Variants in CYB561D1 observed in about 807,000 individuals in gnomAD.
The protein encoded by CYB561D1 is cytochrome b561 family member D1, also known as probable transmembrane reductase CYB561D1.
Under a neutral mutation model 19.2 loss-of-function variants are expected in CYB561D1, and 15 were observed. The observed-to-expected ratio is 0.78, with a 90% CI of 0.52 to 1.20. The LOEUF is 1.20. Among genes scored for constraint, CYB561D1 ranks in the 50% most tolerant of loss-of-function variants. CYB561D1 has a pLI of 0.00. For missense variants in CYB561D1, 297 were observed against 287.3 expected (o/e 1.03, Z -0.24); for synonymous variants, 133 against 120.6 (o/e 1.10, Z -0.68).
chr1:109,495,031 T>G, intron 1 of CYB561D1, 112 bp from the exon 2 acceptor site: 1 of 1,303,056 alleles, frequency 7.7e-7, no homozygotes, highest in Non-Finnish European at 1.1e-6. Context: ...CTGTGCCCGA[T>G]TAGGATTGGG....
chr1:109,495,332 G>A, intron 2 of CYB561D1, 152 bp downstream of exon 2: 1 of 977,544 alleles, frequency 1.0e-6, no homozygotes, highest in Non-Finnish European at 1.6e-6. Flanking sequence ...TATGGGATTG[G>A]GAAACCTGGA....
intron 1 of CYB561D1, 146 bp from the exon 2 acceptor site, chr1:109,494,997 G>A: frequency 1.0e-6 from 1 of 954,662 alleles, no homozygotes; most frequent in East Asian, 2.4e-5. Flanking sequence ...GGGCTCCTTG[G>A]CTGCTCCACT....
Position 109,495,998 on chromosome 1 carries a change from G to A in CYB561D1, c.429G>A (p.Leu143=). The A allele has an allele frequency of 1.2e-6, 2 of 1,609,422 alleles. No individual in the cohort carries two copies. Among genetic ancestry groups the A allele is most frequent in the Non-Finnish European group, 1.7e-6 (2 of 1,176,480 alleles). The part of the protein sequence containing the change: ...LTLLATAVQA[L]CGLCLLCPRA... ...TGCTGGCCACTGCTGTCCAGGCACT[G>A]TGTGGGCTCTGCCTCCTTTGTCCCC... Residue 143 remains leucine, a synonymous_variant, in exon 3 of 3, where the codon CTG becomes CTA. Transcript: ENST00000420578.
intron 1 of CYB561D1, chr1:109,494,508 C>A: frequency 6.5e-7 from 1 of 1,534,654 alleles, no homozygotes; most frequent in East Asian, 2.5e-5. Context: ...ACAGACCGAA[C>A]TACTTCCTCA....
At position 109,500,435 on chromosome 1, in the gene CYB561D1, A is replaced by G. The variant is rs41279736; in HGVS notation, c.*4176A>G. On this transcript the variant is annotated 3_prime_UTR_variant, in exon 3 of 3. Coordinates refer to ENST00000420578, the MANE Select transcript of CYB561D1 (RefSeq NM_182580.3). ...CATTAAACACATGTAAACAGGTGGT[A>G]TTATTATGTTCTTGTCCTTCTCTTT... The G allele has an allele frequency of 0.023, 3,547 of 152,316 alleles. 62 individuals carry two copies. The highest frequency in any genetic ancestry group is 0.032 in the Non-Finnish European group (2,206 of 68,028). The allele number at this position is 152,316 out of a possible 1,614,324, so 9.4% of individuals were successfully genotyped here. A position where few individuals can be genotyped will look rare whatever the true frequency, so the allele number is the denominator to read the frequency against.
chr1:109,496,193 T>C lies in CYB561D1; in HGVS notation c.624T>C (p.Tyr208=), dbSNP rs1388411202. The C allele has an allele frequency of 1.3e-6, 2 of 1,599,904 alleles. No homozygotes were observed. The highest frequency in any genetic ancestry group is 3.4e-5 in the Admixed American group (2 of 59,000). The part of the protein sequence containing the change: ...AWYLCLALPV[Y]PALVIMHQIS... Reference sequence around the variant, plus strand: ...ACCTGTGCCTGGCACTGCCCGTCTATCCAGCCCTGGTGATCATGCACCAGA... The same window carrying C: ...ACCTGTGCCTGGCACTGCCCGTCTACCCAGCCCTGGTGATCATGCACCAGA... Residue 208 remains tyrosine, a synonymous_variant, in exon 3 of 3, where the codon TAT becomes TAC. Transcript: ENST00000420578.
rs1054316126 is a variant in CYB561D1 at position 109,499,961 on chromosome 1, A to G, written c.*3702A>G. Reference sequence around the variant, plus strand: ...GGCACTGAGTCCTCTCAGTAAACTAATAAGACTTGCACCTGACAAAGGTCA... The same window carrying G: ...GGCACTGAGTCCTCTCAGTAAACTAGTAAGACTTGCACCTGACAAAGGTCA... On this transcript the variant is annotated 3_prime_UTR_variant, in exon 3 of 3. Transcript: ENST00000420578. 3.9e-5 allele frequency: 6 copies of G among 152,244 alleles called. No homozygotes were observed. In the East Asian group the frequency reaches 9.6e-4, roughly 24 times the overall value. The allele number at this position is 152,244 out of a possible 1,614,324, so 9.4% of individuals were successfully genotyped here.
intron 1 of CYB561D1, chr1:109,494,640 C>T: frequency 3.3e-6 from 4 of 1,209,164 alleles, no homozygotes; most frequent in Non-Finnish European, 3.2e-6. Context: ...AGTTCGAGAC[C>T]AGCCTGGCCA....
intron 1 of CYB561D1, 138 bp downstream of exon 1, chr1:109,494,425 C>T: frequency 1.9e-6 from 3 of 1,543,884 alleles, no homozygotes; most frequent in Non-Finnish European, 1.7e-6. Flanking sequence ...TTTTGAGGGC[C>T]TGGTGGGGCG....
At position 109,496,438 on chromosome 1, in the gene CYB561D1, G is replaced by C. The variant is rs888446826; in HGVS notation, c.*179G>C. On this transcript the variant is annotated 3_prime_UTR_variant, in exon 3 of 3. Transcript: ENST00000420578. ...ATAATTCAGTGGGTCAAAATGGGGA[G>C]ATGTACTGGGTATGAGTGGAAGGTG... The C allele has an allele frequency of 1.4e-5, 9 of 634,554 alleles. No individual in the cohort carries two copies. 39.3% of individuals were successfully genotyped at this position (634,554 alleles called of 1,614,324 possible).
chr1:109,494,638 A>G, intron 1 of CYB561D1: 2 of 1,235,888 alleles, frequency 1.6e-6, no homozygotes, highest in South Asian at 2.8e-5. Flanking sequence ...GGAGTTCGAG[A>G]CCAGCCTGGC....
Position 109,500,366 on chromosome 1 carries a change from T to C in CYB561D1, c.*4107T>C, listed in dbSNP as rs952113416. ...CTACCTCACAGGGATGTTGTGAGGGTTTGATGAGAGAATGAATGTTAATAG... is the reference window on the plus strand; with the variant it reads ...CTACCTCACAGGGATGTTGTGAGGGCTTGATGAGAGAATGAATGTTAATAG... On this transcript the variant is annotated 3_prime_UTR_variant, in exon 3 of 3. Transcript: ENST00000420578. 1 of 152,210 alleles carries C rather than the reference T, an allele frequency of 6.6e-6. No homozygotes were observed. Among genetic ancestry groups the C allele is most frequent in the Non-Finnish European group, 1.5e-5 (1 of 68,040 alleles). The allele number at this position is 152,210 out of a possible 1,614,324, so 9.4% of individuals were successfully genotyped here. A position where few individuals can be genotyped will look rare whatever the true frequency, so the allele number is the denominator to read the frequency against.
At chr1:109,494,501 G>T in intron 1 of CYB561D1, 3 of 1,539,284 alleles carry the variant, frequency 1.9e-6, no homozygotes, top group Non-Finnish European at 2.6e-6. Context: ...CGATTGAACA[G>T]ACCGAACTAC....
Position 109,496,306 on chromosome 1 carries a change from A to T in CYB561D1, c.*47A>T. 6.6e-7 allele frequency: 1 copy of T among 1,521,842 alleles called. No individual in the cohort carries two copies. The highest frequency in any genetic ancestry group is 8.8e-7 in the Non-Finnish European group (1 of 1,130,856). The allele number at this position is 1,521,842 out of a possible 1,614,324, so 94.3% of individuals were successfully genotyped here. Reference sequence around the variant, plus strand: ...AGGTGGGACGCTTGCCTTGAACATCATGGTTCCTTTGGTGATCTATAAGGG... The same window carrying T: ...AGGTGGGACGCTTGCCTTGAACATCTTGGTTCCTTTGGTGATCTATAAGGG... On this transcript the variant is annotated 3_prime_UTR_variant, in exon 3 of 3. Transcript: ENST00000420578.
chr1:109,495,021 C>A, intron 1 of CYB561D1, 122 bp from the exon 2 acceptor site: 3 of 1,205,606 alleles, frequency 2.5e-6, no homozygotes, highest in Non-Finnish European at 3.6e-6. Flanking sequence ...TCCTTAGTTC[C>A]TGTGCCCGAT....
At position 109,495,821 on chromosome 1, in the gene CYB561D1, C is replaced by T; in HGVS notation, c.252C>T (p.Cys84=). Residue 84 remains cysteine (C), a synonymous_variant, in exon 3 of 3, where the codon TGC becomes TGT. Coordinates refer to ENST00000420578, the MANE Select transcript of CYB561D1 (RefSeq NM_182580.3). ...FSPEHSLFFF[C]SRKARIRLHW... ...CTGAACACTCCCTGTTCTTCTTCTG[C>T]TCCCGAAAAGCACGGATCCGGCTCC... The T allele has an allele frequency of 6.2e-7, 1 of 1,614,050 alleles. No individual in the cohort carries two copies. The highest frequency in any genetic ancestry group is 8.5e-7 in the Non-Finnish European group (1 of 1,180,048).
intron 2 of CYB561D1, among the ~76,000 whole-genome samples, 176 bp downstream of exon 2, chr1:109,495,356 G>A (rs1657466040): frequency 6.6e-6 from 1 of 152,186 alleles, no homozygotes; most frequent in African/African-American, 2.4e-5. Context: ...CTGGGCCATA[G>A]GCAGTTGTCA....
chr1:109,494,858 A>C (rs1301574436), intron 1 of CYB561D1, among the ~76,000 whole-genome samples: 1 of 129,662 alleles, frequency 7.7e-6, no homozygotes, highest in Non-Finnish European at 1.6e-5. Context: ...AAAAAACAAC[A>C]ACCAAAAAAA....
intron 1 of CYB561D1, chr1:109,494,710 G>A (rs761168418): frequency 1.2e-4 from 78 of 642,712 alleles, no homozygotes; most frequent in Non-Finnish European, 1.6e-4. Context: ...GATGGCGCGC[G>A]CCTGTAGTTC....
Sources: allele counts gnomAD v4.1 joint callset (sites outside exome capture counted in the v4.1 genomes callset), GRCh38; gene constraint gnomAD v4.1.1; transcripts MANE v1.5; gene names NCBI Gene and HGNC (gene_info 2026-07-23, HGNC 2026-07-21).